Variants in SHC3 observed in about 807,000 individuals in gnomAD.
SHC3 encodes the protein SHC adaptor protein 3, also known as SHC-transforming protein 3.
In SHC3, 15 loss-of-function variants were observed where a neutral mutation model predicts 60.4. The observed-to-expected ratio is 0.25, with a 90% CI of 0.17 to 0.38. The LOEUF (loss-of-function observed/expected upper bound fraction) is 0.38. Among genes scored for constraint, SHC3 ranks in the 10% least tolerant of loss-of-function variants. The probability of loss-of-function intolerance (pLI) is 1.00; values close to 1 mark genes in which losing one functional copy is unlikely to be tolerated. For missense variants in SHC3, 677 were observed against 786.1 expected (o/e 0.86, Z 1.66); for synonymous variants, 294 against 325.9 (o/e 0.90, Z 1.05).
intron 4 of SHC3, among the ~76,000 whole-genome samples, chr9:89,072,517 T>C (rs1238103490): frequency 2.6e-5 from 4 of 152,258 alleles, no homozygotes; most frequent in Non-Finnish European, 5.9e-5. Context: ...AATTTATCAA[T>C]GTAAAATCCA....
chr9:89,130,773 T>C (rs1207654628), intron 1 of SHC3, among the ~76,000 whole-genome samples: 2 of 151,724 alleles, frequency 1.3e-5, no homozygotes, highest in Non-Finnish European at 2.9e-5. Flanking sequence ...TAGAGGGAAA[T>C]TTATAGCACT....
chr9:89,051,411 A>G (rs953396095), intron 7 of SHC3, among the ~76,000 whole-genome samples: 2 of 152,204 alleles, frequency 1.3e-5, no homozygotes, highest in Non-Finnish European at 2.9e-5. Context: ...TAAACTAAAC[A>G]TCTCCCAATT....
At position 89,043,505 on chromosome 9, in the gene SHC3, C is replaced by T. The variant is rs371639857; in HGVS notation, c.1202-1321G>A. Reference sequence around the variant, plus strand: ...TGCATAATCTTCCTGACTGCCCTTTCCCACCATAGATGACAACAGGTGCTG... The same window carrying T: ...TGCATAATCTTCCTGACTGCCCTTTTCCACCATAGATGACAACAGGTGCTG... On this transcript the variant is annotated intron_variant, in intron 9 of 11. Coordinates refer to ENST00000375835, the MANE Select transcript of SHC3 (RefSeq NM_016848.6). Among the ~76,000 whole-genome samples the T allele has an allele frequency of 2.1e-4, 32 of 152,308 alleles. 2 individuals are homozygous for T. Among genetic ancestry groups the T allele is most frequent in the East Asian group, 1.4e-3 (7 of 5,178 alleles).
At chr9:89,059,600 AGGACGTGGTGCAGGGCGGTGGTG>A in intron 6 of SHC3, among the ~76,000 whole-genome samples, 1 of 99,104 alleles carries the variant, frequency 1.0e-5, no homozygotes, top group Non-Finnish European at 2.0e-5. Flanking sequence ...GACATGGTGT[AGGACGTGGTGCAGGGCGGTGGTG>A]GAGGACGTGG....
intron 11 of SHC3, among the ~76,000 whole-genome samples, chr9:89,019,000 G>A (rs1001377110): frequency 2.3e-4 from 35 of 150,860 alleles, no homozygotes; most frequent in African/African-American, 5.8e-4. Flanking sequence ...TGGAGGCTGC[G>A]GTGAACTGAG....
At position 89,045,727 on chromosome 9, in the gene SHC3, ATCTCACCTTGCC is replaced by A. The variant is rs1318585851; in HGVS notation, c.1201+7_1201+18del. On this transcript the variant is annotated splice_region_variant and intron_variant, in intron 9 of 11. Transcript: ENST00000375835. ...AAAGTGTCTTTTGTGTTTCTCACCC[ATCTCACCTTGCC>A]TCTCACCTTGCCTTAAAGGTGTTTG... The A allele has an allele frequency of 1.2e-6, 2 of 1,612,590 alleles. No individual in the cohort carries two copies. Among genetic ancestry groups the A allele is most frequent in the Admixed American group, 3.3e-5 (2 of 59,980 alleles).
chr9:89,060,797 A>T (rs374851194), intron 6 of SHC3, among the ~76,000 whole-genome samples: 32 of 152,176 alleles, frequency 2.1e-4, no homozygotes, highest in African/African-American at 7.7e-4. Flanking sequence ...ATGATTAATT[A>T]TGGAGCCTGT....
chr9:89,164,132 A>T (rs1490426027), intron 1 of SHC3, among the ~76,000 whole-genome samples: 1 of 152,174 alleles, frequency 6.6e-6, no homozygotes, highest in Non-Finnish European at 1.5e-5. Context: ...CTGATGCCAC[A>T]CACATGTAAG....
chr9:89,127,286 T>C (rs1587741717), intron 1 of SHC3, among the ~76,000 whole-genome samples: 1 of 152,158 alleles, frequency 6.6e-6, no homozygotes, highest in African/African-American at 2.4e-5. Flanking sequence ...TCTAAGCACC[T>C]GGGAGGTTAC....
At chr9:89,013,669 C>A in intron 11 of SHC3, 94 bp from the exon 12 acceptor site, 1 of 1,489,958 alleles carries the variant, frequency 6.7e-7, no homozygotes, top group Non-Finnish European at 9.0e-7. Context: ...TCTGAACTGG[C>A]CCAGAAGGAA....
intron 1 of SHC3, among the ~76,000 whole-genome samples, chr9:89,156,530 T>C (rs962076121): frequency 1.1e-4 from 17 of 151,872 alleles, no homozygotes; most frequent in Non-Finnish European, 2.9e-5. Flanking sequence ...ACTTAACTAG[T>C]CCTAAAAAAG....
At chr9:89,100,299 T>C (rs778207247) in intron 2 of SHC3, among the ~76,000 whole-genome samples, 2 of 152,182 alleles carry the variant, frequency 1.3e-5, no homozygotes, top group Non-Finnish European at 1.5e-5. Flanking sequence ...CGGGTATCAT[T>C]AGTTTGAAAG....
At chr9:89,035,376 A>G (rs568643924) in intron 11 of SHC3, among the ~76,000 whole-genome samples, 6 of 152,278 alleles carry the variant, frequency 3.9e-5, no homozygotes, top group East Asian at 1.9e-4. Flanking sequence ...ATAAAGAAGA[A>G]TATATATATG....
chr9:89,119,815 A>G (rs1826065416), intron 1 of SHC3, among the ~76,000 whole-genome samples: 1 of 152,254 alleles, frequency 6.6e-6, no homozygotes, highest in African/African-American at 2.4e-5. Flanking sequence ...CCTTAAGAAC[A>G]CAAAGAAATT....
rs930733117 is a variant in SHC3, at chr9:89,110,503, C to T, written c.545+2053G>A. On this transcript the variant is annotated intron_variant, in intron 2 of 11. Coordinates refer to ENST00000375835, the MANE Select transcript of SHC3 (RefSeq NM_016848.6). ...TTAGTTACCATGGAGACCTTAAAAGCTCCACAGTGTGCTACATCTGCAAGA... is the reference window on the plus strand; with the variant it reads ...TTAGTTACCATGGAGACCTTAAAAGTTCCACAGTGTGCTACATCTGCAAGA... 5 of 969,072 alleles carry T rather than the reference C, an allele frequency of 5.2e-6. No homozygotes were observed. In the African/African-American group the frequency reaches 8.8e-5, roughly 17 times the overall value. 60.0% of individuals were successfully genotyped at this position (969,072 alleles called of 1,614,324 possible).
chr9:89,143,398 A>G (rs1190858263), intron 1 of SHC3, among the ~76,000 whole-genome samples: 3 of 152,006 alleles, frequency 2.0e-5, no homozygotes, highest in Non-Finnish European at 4.4e-5. Context: ...TATGACCTTT[A>G]TCTCGTGCCG....
chr9:89,058,304 G>A (rs1458764894), intron 6 of SHC3, among the ~76,000 whole-genome samples: 2 of 151,290 alleles, frequency 1.3e-5, no homozygotes, highest in East Asian at 2.0e-4. Context: ...AGGATGCAGT[G>A]GAGGATGGTG....
At chr9:89,019,766 TGAA>T (rs1007175598) in intron 11 of SHC3, among the ~76,000 whole-genome samples, 19 of 152,120 alleles carry the variant, frequency 1.2e-4, no homozygotes, top group African/African-American at 4.1e-4. Context: ...ACTAAATAAA[TGAA>T]GAGATATTTC....
chr9:89,138,957 T>C (rs905475363), intron 1 of SHC3, among the ~76,000 whole-genome samples: 1 of 151,782 alleles, frequency 6.6e-6, no homozygotes, highest in African/African-American at 2.4e-5. Context: ...AAGAAAACAT[T>C]GAGTAAGCTT....
Sources: gnomAD v4.1 joint callset for allele counts (sites outside exome capture counted in the v4.1 genomes callset) on GRCh38, gnomAD v4.1.1 for gene constraint, MANE v1.5 for transcripts, NCBI Gene and HGNC (gene_info 2026-07-23, HGNC 2026-07-21) for gene names.